The following FNDC5 variants were observed in gnomAD, a reference collection of about 807,000 sequenced individuals.
FNDC5 encodes fibronectin type III domain containing 5.
A neutral mutation model predicts 24.6 loss-of-function variants in FNDC5; 10 were observed. The observed-to-expected ratio is 0.41, with a 90% CI of 0.25 to 0.69. The LOEUF (loss-of-function observed/expected upper bound fraction) is 0.69. Ranked by LOEUF, FNDC5 falls within the 30% of genes least tolerant of loss-of-function variation. The pLI is 0.34. For synonymous variants in FNDC5, 90 were observed against 110.7 expected (o/e 0.81, Z 1.18); for missense variants, 226 against 282.9 (o/e 0.80, Z 1.44).
chr1:32,870,597 G>A (rs1641162706), intron 1 of FNDC5, 56 bp downstream of exon 1: 10 of 1,082,464 alleles, frequency 9.2e-6, no homozygotes, highest in African/African-American at 1.7e-5. Context: ...CTCCCAGGTA[G>A]CTGGGCTCGA....
At chr1:32,866,103 T>C (rs1019192210) in intron 4 of FNDC5, among the ~76,000 whole-genome samples, 1 of 152,212 alleles carries the variant, frequency 6.6e-6, no homozygotes, top group Non-Finnish European at 1.5e-5. Context: ...AGATAAAGCA[T>C]AACAACTTCC....
Position 32,870,641 on chromosome 1 carries a change from G to A in FNDC5, c.94+12C>T, listed in dbSNP as rs1388311328. On this transcript the variant is annotated intron_variant, in intron 1 of 5. Coordinates refer to ENST00000373471, the MANE Select transcript of FNDC5 (RefSeq NM_153756.3). ...TGCCCCGGCGCCGGCCCCCCGCCCC[G>A]GGCCCCCTTACCCGCCTGCACCAGC... 9 of 1,204,612 alleles carry A rather than the reference G, an allele frequency of 7.5e-6. No individual in the cohort carries two copies. The highest frequency in any genetic ancestry group is 8.8e-5 in the Admixed American group (2 of 22,770). The allele number at this position is 1,204,612 out of a possible 1,614,324, so 74.6% of individuals were successfully genotyped here. A position where few individuals can be genotyped will look rare whatever the true frequency, so the allele number is the denominator to read the frequency against.
Position 32,867,867 on chromosome 1 carries a change from C to T in FNDC5, c.410-25G>A. 2.5e-6 allele frequency: 4 copies of T among 1,609,994 alleles called. No homozygotes were observed. The South Asian group carries it at 3.3e-5, about 13-fold the overall frequency. ...TCTGCAGGGAGAGAGACACTAGATC[C>T]AGCACTCCTTTCCTCCCTCAGCCAC... On this transcript the variant is annotated intron_variant, in intron 3 of 5. Coordinates refer to ENST00000373471, the MANE Select transcript of FNDC5 (RefSeq NM_153756.3).
In FNDC5 at chr1:32,864,199, T is replaced by C; in HGVS notation, c.*95A>G. 6.2e-7 allele frequency: 1 copy of C among 1,612,576 alleles called. No individual in the cohort carries two copies. The highest frequency in any genetic ancestry group is 2.2e-5 in the East Asian group (1 of 44,868). The stretch of plus-strand genomic sequence containing the variant: ...GGGAAGAGATGTAGAGAGGGCCAGA[T>C]GTTTGTTGGATAATCATCATCAGAA... On this transcript the variant is annotated 3_prime_UTR_variant, in exon 6 of 6. Coordinates refer to ENST00000373471, the MANE Select transcript of FNDC5 (RefSeq NM_153756.3).
intron 4 of FNDC5, among the ~76,000 whole-genome samples, chr1:32,865,109 G>A (rs1366147100): frequency 6.6e-5 from 10 of 151,944 alleles, no homozygotes; most frequent in African/African-American, 2.4e-4. Flanking sequence ...TTGTTTTTTT[G>A]TTGTTTTGAG....
chr1:32,870,144 G>A (rs991682484), intron 1 of FNDC5, among the ~76,000 whole-genome samples: 1 of 152,090 alleles, frequency 6.6e-6, no homozygotes, highest in Non-Finnish European at 1.5e-5. Context: ...GCCCCATGGG[G>A]CAGGCCAGAC....
intron 1 of FNDC5, among the ~76,000 whole-genome samples, chr1:32,869,296 T>C (rs918799707): frequency 3.9e-5 from 6 of 152,012 alleles, no homozygotes; most frequent in African/African-American, 1.4e-4. Flanking sequence ...ATCTAAGGGA[T>C]GGGTGGTTAG....
At chr1:32,865,246 T>G (rs535621214) in intron 4 of FNDC5, among the ~76,000 whole-genome samples, 1 of 151,918 alleles carries the variant, frequency 6.6e-6, no homozygotes, top group Non-Finnish European at 1.5e-5. Context: ...ATTACAGGTA[T>G]GCGCCACCAC....
intron 5 of FNDC5, 168 bp from the exon 6 acceptor site, chr1:32,864,467 C>T: frequency 1.4e-6 from 2 of 1,478,210 alleles, no homozygotes; most frequent in Non-Finnish European, 8.9e-7. Flanking sequence ...TTCAAATCAC[C>T]ACTGGCCCCT....
intron 3 of FNDC5, 66 bp from the exon 4 acceptor site, chr1:32,867,908 C>T: frequency 6.7e-7 from 1 of 1,486,614 alleles, no homozygotes; most frequent in Non-Finnish European, 9.4e-7. Context: ...TAGGGCCAAG[C>T]CCAAGACAAC....
chr1:32,864,682 C>A lies in FNDC5; in HGVS notation c.615G>T (p.Gly205=). The A allele has an allele frequency of 6.2e-7, 1 of 1,614,120 alleles. No homozygotes were observed. The highest frequency in any genetic ancestry group is 2.2e-5 in the East Asian group (1 of 44,888). Reference sequence around the variant, plus strand: ...CCCTCACCTTGCTGCGGAGAAGCCCCCCGCCCTGGTGCTCTGGTGTGCTGG... The same window carrying A: ...CCCTCACCTTGCTGCGGAGAAGCCCACCGCCCTGGTGCTCTGGTGTGCTGG... Residue 205 remains glycine, a synonymous_variant, in exon 5 of 6, where the codon GGG becomes GGT. Coordinates refer to ENST00000373471, the MANE Select transcript of FNDC5 (RefSeq NM_153756.3).
Position 32,864,581 on chromosome 1 carries a change from C to G in FNDC5, c.633+83G>C, listed in dbSNP as rs535065879. ...TGCCCAGCTGTCGCCATGCCAGTCC[C>G]CGAGCTGACCCCCTCTGCAGTCCAG... On this transcript the variant is annotated intron_variant, in intron 5 of 5. Coordinates refer to ENST00000373471, the MANE Select transcript of FNDC5 (RefSeq NM_153756.3). 2.5e-6 allele frequency: 4 copies of G among 1,596,804 alleles called. No homozygotes were observed. The South Asian group carries it at 4.5e-5, about 18-fold the overall frequency.
rs140445143 is a variant in FNDC5 at position 32,866,633 on chromosome 1, C to T, written c.499+1120G>A. Among the ~76,000 whole-genome samples the T allele has an allele frequency of 4.9e-4, 75 of 152,290 alleles. No individual in the cohort carries two copies. In the East Asian group the frequency reaches 0.01, roughly 21 times the overall value. ...TTTCTAACCCACAGTTATTCCCTCT[C>T]CTCTGCTCTCCTACATGGTACTATC... On this transcript the variant is annotated intron_variant, in intron 4 of 5. Coordinates refer to ENST00000373471, the MANE Select transcript of FNDC5 (RefSeq NM_153756.3).
At position 32,863,292 on chromosome 1, in the gene FNDC5, CAT is replaced by C. The variant is rs535149739; in HGVS notation, c.*1000_*1001del. On this transcript the variant is annotated 3_prime_UTR_variant, in exon 6 of 6. Transcript: ENST00000373471. The stretch of plus-strand genomic sequence containing the variant: ...GCAAAAGTGTGCATCACACCACAAA[CAT>C]GTCCTTGATGGCTGGATCCAGAAAA... The C allele has an allele frequency of 1.3e-3, 216 of 169,370 alleles. 1 individual carries two copies. The highest frequency in any genetic ancestry group is 3.9e-3 in the African/African-American group (164 of 42,248). The allele number at this position is 169,370 out of a possible 1,614,324, so 10.5% of individuals were successfully genotyped here.
chr1:32,868,980 C>A lies in FNDC5; in HGVS notation c.112G>T (p.Val38Leu). ...TTGAGGTGCCTGACGGTGACGTTCACTGGGGCTGAGGGACTGTCTGGGGGA... is the reference window on the plus strand; with the variant it reads ...TTGAGGTGCCTGACGGTGACGTTCAATGGGGCTGAGGGACTGTCTGGGGGA... The change falls in exon 2 of 6, where the codon GTG (valine) becomes TTG (leucine). Residue 38 changes from valine (V) to leucine (L), a missense_variant. Transcript: ENST00000373471. The surrounding 1 kb of genome is among the most constrained non-coding windows in gnomAD (Gnocchi z 4.8). 2.4e-6 allele frequency: 3 copies of A among 1,234,388 alleles called. No individual in the cohort carries two copies. Among genetic ancestry groups the A allele is most frequent in the Non-Finnish European group, 3.0e-6 (3 of 989,258 alleles). 76.5% of individuals were successfully genotyped at this position (1,234,388 alleles called of 1,614,324 possible). A position where few individuals can be genotyped will look rare whatever the true frequency, so the allele number is the denominator to read the frequency against.
intron 5 of FNDC5, 171 bp downstream of exon 5, chr1:32,864,493 G>C (rs1224883774): frequency 6.7e-7 from 1 of 1,485,406 alleles, no homozygotes; most frequent in East Asian, 2.4e-5. Context: ...CCTGCAAAAG[G>C]AGAGGATCCA....
rs188480442 is a variant in FNDC5, at chr1:32,869,546, A to C, written c.95-549T>G. On this transcript the variant is annotated intron_variant, in intron 1 of 5. Coordinates refer to ENST00000373471, the MANE Select transcript of FNDC5 (RefSeq NM_153756.3). ...AGAGCTGTGGTGGCCCAGGCAGAATAAAGCCTGCGGAAGAGTCTGTGTGAG... is the reference window on the plus strand; with the variant it reads ...AGAGCTGTGGTGGCCCAGGCAGAATCAAGCCTGCGGAAGAGTCTGTGTGAG... Among the ~76,000 whole-genome samples, 259 of 152,348 alleles carry C rather than the reference A, an allele frequency of 1.7e-3. 2 individuals are homozygous for C. Among genetic ancestry groups the C allele is most frequent in the African/African-American group, 6.0e-3 (250 of 41,578 alleles).
At chr1:32,867,677 T>A (rs1641097166) in intron 4 of FNDC5, 76 bp downstream of exon 4, 1 of 1,426,852 alleles carries the variant, frequency 7.0e-7, no homozygotes, top group South Asian at 1.2e-5. Flanking sequence ...CTTTTTTTCA[T>A]GAGAGAAGGG....
At position 32,862,693 on chromosome 1, in the gene FNDC5, A is replaced by T. The variant is rs1235024356; in HGVS notation, c.*1601T>A. The T allele has an allele frequency of 6.5e-6, 1 of 152,676 alleles. No homozygotes were observed. The highest frequency in any genetic ancestry group is 1.5e-5 in the Non-Finnish European group (1 of 68,076). The allele number at this position is 152,676 out of a possible 1,614,324, so 9.5% of individuals were successfully genotyped here. A position where few individuals can be genotyped will look rare whatever the true frequency, so the allele number is the denominator to read the frequency against. On this transcript the variant is annotated 3_prime_UTR_variant, in exon 6 of 6. Coordinates refer to ENST00000373471, the MANE Select transcript of FNDC5 (RefSeq NM_153756.3). The stretch of plus-strand genomic sequence containing the variant: ...ACCCATCCTTGACCACCAATGGAAG[A>T]TGCAGATGTCCACCTCTTCCCATGC...
Sources: allele counts gnomAD v4.1 joint callset (sites outside exome capture counted in the v4.1 genomes callset), GRCh38; gene constraint gnomAD v4.1.1; non-coding constraint Gnocchi (gnomAD v3.1); transcripts MANE v1.5; gene names NCBI Gene and HGNC (gene_info 2026-07-23, HGNC 2026-07-21).